The following ATXN8OS variants were observed in gnomAD, a reference collection of about 807,000 sequenced individuals.
ATXN8OS encodes the protein ATXN8 opposite strand lncRNA.
At chr13:70,115,333 C>G (rs1219960722) in intron 2 of ATXN8OS, 11 of 397,768 alleles carry the variant, frequency 2.8e-5, no homozygotes, top group Non-Finnish European at 4.4e-5. Context: ...AATCCATTCA[C>G]AGGGAGGGAG....
intron 1 of ATXN8OS, among the ~76,000 whole-genome samples, chr13:70,113,940 A>G (rs1888237952): frequency 6.6e-6 from 1 of 152,182 alleles, no homozygotes; most frequent in Non-Finnish European, 1.5e-5. Flanking sequence ...TTTTTCCCAC[A>G]AGTTTATGTG....
intron 2 of ATXN8OS, among the ~76,000 whole-genome samples, chr13:70,122,496 T>C (rs556275913): frequency 1.3e-5 from 2 of 151,272 alleles, no homozygotes; most frequent in South Asian, 4.2e-4. Context: ...CCTGTCCTTC[T>C]TAGAGAGAGA....
intron 1 of ATXN8OS, among the ~76,000 whole-genome samples, chr13:70,112,457 T>C (rs552168608): frequency 1.5e-4 from 23 of 152,288 alleles, no homozygotes; most frequent in African/African-American, 5.1e-4. Context: ...GCACTAATGC[T>C]AAGTTATCCC....
chr13:70,116,546 T>C (rs191192166), intron 2 of ATXN8OS, among the ~76,000 whole-genome samples: 4 of 152,230 alleles, frequency 2.6e-5, no homozygotes, highest in African/African-American at 4.8e-5. Context: ...ACGAGCTCTA[T>C]TGGAGTTCAA....
intron 3 of ATXN8OS, chr13:70,131,548 G>A (rs1020099006): frequency 1.0e-5 from 4 of 397,964 alleles, no homozygotes; most frequent in African/African-American, 8.2e-5. Flanking sequence ...TCCCCTCAAT[G>A]CCTTTGGACT....
At chr13:70,116,424 A>G (rs1179859186) in intron 2 of ATXN8OS, among the ~76,000 whole-genome samples, 2 of 152,158 alleles carry the variant, frequency 1.3e-5, no homozygotes, top group African/African-American at 2.4e-5. Context: ...CTGTTCGTGT[A>G]TGAGCGACAG....
At chr13:70,145,027 A>G (rs1334824074) in intron 3 of ATXN8OS, among the ~76,000 whole-genome samples, 5 of 152,216 alleles carry the variant, frequency 3.3e-5, no homozygotes, top group African/African-American at 1.2e-4. Flanking sequence ...TAATTTTTGT[A>G]TAAGGTGTAA....
At chr13:70,119,399 C>T (rs966473074) in intron 2 of ATXN8OS, among the ~76,000 whole-genome samples, 1 of 152,042 alleles carries the variant, frequency 6.6e-6, no homozygotes, top group Non-Finnish European at 1.5e-5. Flanking sequence ...AAGTTGCTTA[C>T]TTTCTCTTAT....
At chr13:70,111,539 T>C (rs1339703044) in intron 1 of ATXN8OS, among the ~76,000 whole-genome samples, 1 of 152,128 alleles carries the variant, frequency 6.6e-6, no homozygotes, top group Non-Finnish European at 1.5e-5. Flanking sequence ...ACATTAATTC[T>C]TGAGGTTCTG....
chr13:70,151,631 G>T (rs374360074), intron 4 of ATXN8OS, among the ~76,000 whole-genome samples: 1 of 152,040 alleles, frequency 6.6e-6, no homozygotes, highest in Non-Finnish European at 1.5e-5. Context: ...AAACAAAAAA[G>T]AAAACCAGCA....
intron 4 of ATXN8OS, among the ~76,000 whole-genome samples, chr13:70,149,249 G>A (rs550035470): frequency 7.9e-5 from 12 of 152,072 alleles, no homozygotes; most frequent in East Asian, 1.9e-4. Flanking sequence ...ATAATTACTC[G>A]TGCACTTCAA....
intron 4 of ATXN8OS, among the ~76,000 whole-genome samples, chr13:70,168,079 G>A (rs902319665): frequency 1.3e-5 from 2 of 152,090 alleles, no homozygotes; most frequent in African/African-American, 4.8e-5. Context: ...GGGCATTACA[G>A]AGAATTACCT....
intron 3 of ATXN8OS, among the ~76,000 whole-genome samples, chr13:70,143,353 A>T (rs1376642451): frequency 1.3e-5 from 2 of 152,086 alleles, no homozygotes; most frequent in Non-Finnish European, 2.9e-5. Context: ...GATGATGATG[A>T]GAGTCTTCTT....
At chr13:70,164,520 T>C (rs1889056379) in intron 4 of ATXN8OS, among the ~76,000 whole-genome samples, 1 of 151,986 alleles carries the variant, frequency 6.6e-6, no homozygotes, top group African/African-American at 2.4e-5. Flanking sequence ...TATACAAATA[T>C]AAGGCAGGAT....
At chr13:70,143,700 CA>C (rs1290448698) in intron 3 of ATXN8OS, among the ~76,000 whole-genome samples, 3 of 152,104 alleles carry the variant, frequency 2.0e-5, no homozygotes, top group Non-Finnish European at 4.4e-5. Flanking sequence ...TATATTGCAG[CA>C]AATCTAAATA....
At chr13:70,163,986 G>A (rs1889042337) in intron 4 of ATXN8OS, among the ~76,000 whole-genome samples, 1 of 149,624 alleles carries the variant, frequency 6.7e-6, no homozygotes, top group African/African-American at 2.4e-5. Flanking sequence ...TGCTCAATGA[G>A]GATGTGTAGG....
intron 4 of ATXN8OS, among the ~76,000 whole-genome samples, chr13:70,164,536 G>A (rs934694474): frequency 2.6e-5 from 4 of 152,036 alleles, no homozygotes; most frequent in African/African-American, 9.7e-5. Flanking sequence ...AGGATAGAAG[G>A]AGAATATAGA....
chr13:70,135,847 A>T (rs1321365714), intron 3 of ATXN8OS, among the ~76,000 whole-genome samples: 2 of 152,332 alleles, frequency 1.3e-5, no homozygotes, highest in East Asian at 3.9e-4. Flanking sequence ...TCTAAAAAAC[A>T]AAACAAAACT....
At chr13:70,135,960 G>A (rs1176370483) in intron 3 of ATXN8OS, among the ~76,000 whole-genome samples, 1 of 152,174 alleles carries the variant, frequency 6.6e-6, no homozygotes, top group Non-Finnish European at 1.5e-5. Context: ...AAGAACAATT[G>A]ATAAATTAGG....
Sources: gnomAD v4.1 joint callset for allele counts (sites outside exome capture counted in the v4.1 genomes callset) on GRCh38, gnomAD v4.1.1 for gene constraint, MANE v1.5 for transcripts, NCBI Gene and HGNC (gene_info 2026-07-23, HGNC 2026-07-21) for gene names.